NDST4: variants seen among roughly 807,000 people sequenced by gnomAD.
The protein encoded by NDST4 is N-heparan sulfate sulfotransferase 4.
A neutral mutation model predicts 100.8 loss-of-function variants in NDST4; 63 were observed. That is an observed-to-expected ratio of 0.62 (90% CI 0.51 to 0.77). The LOEUF (loss-of-function observed/expected upper bound fraction) is 0.77, where lower values mean the gene tolerates loss of function less well. Ranked by LOEUF, NDST4 falls within the 30% of genes least tolerant of loss-of-function variation. NDST4 has a pLI of 0.00. For missense variants in NDST4, 943 were observed against 1,018.4 expected (o/e 0.93, Z 1.01); for synonymous variants, 377 against 361.8 (o/e 1.04, Z -0.48).
At chr4:114,841,791 C>T (rs9997949) in intron 10 of NDST4, among the ~76,000 whole-genome samples, 19,519 of 152,082 alleles carry the variant, frequency 0.13, 2,318 homozygotes, top group African/African-American at 0.31. Context: ...AATACTGACT[C>T]GTGTATTAGA....
chr4:114,978,370 C>T lies in NDST4; in HGVS notation c.979-1096G>A, dbSNP rs147279296. 4.9e-3 allele frequency among the ~76,000 whole-genome samples: 748 copies of T among 151,862 alleles called. 12 individuals carry two copies. Among genetic ancestry groups the T allele is most frequent in the African/African-American group, 0.017 (708 of 41,482 alleles). On this transcript the variant is annotated intron_variant, in intron 2 of 13. Coordinates refer to ENST00000264363, the MANE Select transcript of NDST4 (RefSeq NM_022569.3). ...TTTACAATGAAAGGAGTCTCCTGTA[C>T]ATTAGTTTAATTAAAAAAATGACTA...
chr4:114,946,594 T>A (rs937875975), intron 4 of NDST4, among the ~76,000 whole-genome samples: 1 of 152,148 alleles, frequency 6.6e-6, no homozygotes, highest in African/African-American at 2.4e-5. Flanking sequence ...TGAAGCCTGG[T>A]CATTTCTGAA....
rs1400686066 is a variant in NDST4, at chr4:114,833,556, T to G, written c.2396+50A>C. On this transcript the variant is annotated intron_variant, in intron 12 of 13. Coordinates refer to ENST00000264363, the MANE Select transcript of NDST4 (RefSeq NM_022569.3). ...TTATATACACACCTACCAGTGATAA[T>G]TTATGATGGCAAATAATGGAAATGA... The G allele has an allele frequency of 6.4e-6, 8 of 1,248,682 alleles. No individual in the cohort carries two copies. The African/African-American group carries it at 1.2e-4, about 18-fold the overall frequency. 77.4% of individuals were successfully genotyped at this position (1,248,682 alleles called of 1,614,324 possible).
intron 1 of NDST4, among the ~76,000 whole-genome samples, chr4:115,085,650 C>A (rs911247070): frequency 6.6e-6 from 1 of 152,152 alleles, no homozygotes; most frequent in Non-Finnish European, 1.5e-5. Context: ...AGCACTCATT[C>A]TCTCTCCTGC....
chr4:115,088,583 T>G (rs2126293935), intron 1 of NDST4, among the ~76,000 whole-genome samples: 1 of 152,080 alleles, frequency 6.6e-6, no homozygotes, highest in Non-Finnish European at 1.5e-5. Flanking sequence ...CAGGTATCAT[T>G]TTGTTAAGAA....
At chr4:115,039,645 A>C (rs1728307417) in intron 2 of NDST4, among the ~76,000 whole-genome samples, 1 of 152,144 alleles carries the variant, frequency 6.6e-6, no homozygotes, top group African/African-American at 2.4e-5. Flanking sequence ...ACAAAGCTAA[A>C]TGTACACCAT....
In NDST4 at chr4:114,977,203, C is replaced by T. The variant is rs1348999498; in HGVS notation, c.1050G>A (p.Gly350=). The stretch of plus-strand genomic sequence containing the variant: ...CCTTCTTACCTGTGTGGTAAAACTT[C>T]CCTGAAAATCCAAGGTTGAAGGTAA... ...ANFTFNLGFS[G]KFYHTGTEEE... is the part of the protein sequence containing the mutation. The change falls in exon 3 of 14, where the codon GGG becomes GGA. Residue 350 remains glycine, a synonymous_variant. Coordinates refer to ENST00000264363, the MANE Select transcript of NDST4 (RefSeq NM_022569.3). The T allele has an allele frequency of 6.2e-7, 1 of 1,607,450 alleles. No individual in the cohort carries two copies. The highest frequency in any genetic ancestry group is 1.1e-5 in the South Asian group (1 of 90,252).
chr4:114,934,894 T>C (rs1411447446), intron 6 of NDST4, among the ~76,000 whole-genome samples: 2 of 152,054 alleles, frequency 1.3e-5, no homozygotes, highest in East Asian at 3.9e-4. Flanking sequence ...TATACCTTCA[T>C]AAAGCTGAGA....
chr4:114,831,689 G>C (rs1214341353), intron 12 of NDST4, among the ~76,000 whole-genome samples: 1 of 152,134 alleles, frequency 6.6e-6, no homozygotes, highest in African/African-American at 2.4e-5. Context: ...AGAGAAAGGA[G>C]AGCCCTCCAG....
intron 2 of NDST4, among the ~76,000 whole-genome samples, chr4:115,024,093 A>G (rs1342728039): frequency 1.3e-5 from 2 of 152,140 alleles, no homozygotes; most frequent in East Asian, 1.9e-4. Context: ...CTTCACCTCC[A>G]TCACTACTTA....
At chr4:114,920,591 T>A (rs1725267787) in intron 6 of NDST4, among the ~76,000 whole-genome samples, 1 of 152,204 alleles carries the variant, frequency 6.6e-6, no homozygotes, top group South Asian at 2.1e-4. Context: ...ATGCTTGGAA[T>A]CTTATCTTTT....
intron 2 of NDST4, among the ~76,000 whole-genome samples, chr4:115,045,872 AC>A (rs1728454888): frequency 6.6e-6 from 1 of 152,186 alleles, no homozygotes; most frequent in Admixed American, 6.6e-5. Flanking sequence ...GCAATGAACT[AC>A]ACATTGGGGT....
At chr4:114,891,829 T>G (rs1210618747) in intron 6 of NDST4, among the ~76,000 whole-genome samples, 1 of 152,114 alleles carries the variant, frequency 6.6e-6, no homozygotes, top group African/African-American at 2.4e-5. Flanking sequence ...TAACCTTGAG[T>G]TCCAGGTGTT....
intron 2 of NDST4, among the ~76,000 whole-genome samples, chr4:115,066,140 TCTACTACTGAAATCA>T (rs1411731940): frequency 2.0e-5 from 3 of 152,236 alleles, no homozygotes; most frequent in African/African-American, 4.8e-5. Flanking sequence ...ATGTCCTGTC[TCTACTACTGAAATCA>T]GGAACTGAAT....
intron 2 of NDST4, among the ~76,000 whole-genome samples, chr4:115,052,677 G>A (rs1356748530): frequency 6.6e-6 from 1 of 152,098 alleles, no homozygotes; most frequent in Non-Finnish European, 1.5e-5. Context: ...CTAGCCATGT[G>A]GAACTGTGAG....
chr4:114,858,552 T>C (rs1046723933), intron 7 of NDST4, among the ~76,000 whole-genome samples: 5 of 152,206 alleles, frequency 3.3e-5, no homozygotes, highest in African/African-American at 7.2e-5. Context: ...CTTGAAGATA[T>C]AGTGTACGCA....
intron 1 of NDST4, among the ~76,000 whole-genome samples, chr4:115,100,381 T>C (rs1729706842): frequency 6.6e-6 from 1 of 152,056 alleles, no homozygotes; most frequent in Non-Finnish European, 1.5e-5. Flanking sequence ...TAGGAGATGG[T>C]GGTGGGAAAA....
intron 6 of NDST4, among the ~76,000 whole-genome samples, chr4:114,922,336 T>C (rs1725306158): frequency 6.6e-6 from 1 of 152,144 alleles, no homozygotes; most frequent in African/African-American, 2.4e-5. Flanking sequence ...CAAGTGAGCA[T>C]GCATATAGCT....
At chr4:115,072,248 A>T (rs1224034556) in intron 2 of NDST4, among the ~76,000 whole-genome samples, 2 of 152,096 alleles carry the variant, frequency 1.3e-5, no homozygotes, top group Admixed American at 1.3e-4. Flanking sequence ...TGAAGTAGAA[A>T]AATTAATATT....
Sources: gnomAD v4.1 joint callset for allele counts (sites outside exome capture counted in the v4.1 genomes callset) on GRCh38, gnomAD v4.1.1 for gene constraint, MANE v1.5 for transcripts, NCBI Gene and HGNC (gene_info 2026-07-23, HGNC 2026-07-21) for gene names.